The following TCF20 variants were observed in gnomAD, a reference collection of about 807,000 sequenced individuals.
The protein encoded by TCF20 is SPRE-binding protein.
TCF20 carries 3 observed loss-of-function variants against 148.6 expected under a neutral mutation model. The observed-to-expected ratio is 0.02, with a 90% CI of 0.01 to 0.05. TCF20 has a LOEUF of 0.05. TCF20 is among the 10% of genes least tolerant of loss of function. The pLI is 1.00. For synonymous variants in TCF20, 1,049 were observed against 909.5 expected, an observed-to-expected ratio of 1.15 and a Z score of -2.76; for missense variants, 2,350 against 2,429.3, an observed-to-expected ratio of 0.97 and a Z score of 0.69.
At chr22:42,342,600 A>T (rs1928186753) in intron 1 of TCF20, among the ~76,000 whole-genome samples, 1 of 152,204 alleles carries the variant, frequency 6.6e-6, no homozygotes, top group Non-Finnish European at 1.5e-5. Context: ...GGGGCCTGCC[A>T]AGGGCCGGGT....
intron 1 of TCF20, among the ~76,000 whole-genome samples, chr22:42,256,515 G>A (rs1047443491): frequency 2.0e-5 from 3 of 151,228 alleles, no homozygotes; most frequent in African/African-American, 7.3e-5. Context: ...AATTATGCAG[G>A]CTGTGATGTC....
chr22:42,221,496 T>C (rs1922352934), intron 1 of TCF20, among the ~76,000 whole-genome samples: 1 of 152,284 alleles, frequency 6.6e-6, no homozygotes, highest in African/African-American at 2.4e-5. Flanking sequence ...GAGTAGACTA[T>C]TGCCACTTGG....
intron 2 of TCF20, among the ~76,000 whole-genome samples, chr22:42,186,124 C>T (rs9607886): frequency 2.0e-5 from 3 of 152,204 alleles, no homozygotes; most frequent in African/African-American, 7.2e-5. Flanking sequence ...CACTCACTGG[C>T]TAAGGGCTAA....
intron 1 of TCF20, among the ~76,000 whole-genome samples, chr22:42,308,114 T>C (rs1927467779): frequency 6.6e-6 from 1 of 152,136 alleles, no homozygotes; most frequent in South Asian, 2.1e-4. Flanking sequence ...TTAATTCAAT[T>C]CCATAAACAT....
At chr22:42,337,256 C>G (rs567302174) in intron 1 of TCF20, among the ~76,000 whole-genome samples, 4 of 152,072 alleles carry the variant, frequency 2.6e-5, no homozygotes, top group Admixed American at 6.6e-5. Flanking sequence ...CCACTCCTCT[C>G]CCCCTTATCC....
intron 1 of TCF20, among the ~76,000 whole-genome samples, chr22:42,323,903 A>ATGGAGGTTATGGCGGT (rs1927790276): frequency 8.9e-4 from 15 of 16,872 alleles, no homozygotes; most frequent in Non-Finnish European, 1.3e-3. Flanking sequence ...ATGGTGGTGG[A>ATGGAGGTTATGGCGGT]GGTGGTGGTG....
rs1046874374 is a variant in TCF20, at chr22:42,178,391, T to C, written c.5749+1218A>G. Among the ~76,000 whole-genome samples the C allele has an allele frequency of 2.0e-5, 3 of 152,108 alleles. No individual in the cohort carries two copies. In the East Asian group the frequency reaches 5.8e-4, roughly 29 times the overall value. The stretch of plus-strand genomic sequence containing the variant: ...GTATATGAAGTGGGGAGCGGTCTTG[T>C]GGGACTGAGCCCTTAACCTGTAGGG... On this transcript the variant is annotated intron_variant, in intron 3 of 5. Transcript: ENST00000677622.
intron 2 of TCF20, among the ~76,000 whole-genome samples, chr22:42,209,361 C>T: frequency 6.6e-6 from 1 of 152,060 alleles, no homozygotes; most frequent in East Asian, 1.9e-4. Context: ...TGAAACAGAT[C>T]CAAAGAATAA....
At chr22:42,174,860 C>T (rs1055968133) in intron 3 of TCF20, among the ~76,000 whole-genome samples, 3 of 151,942 alleles carry the variant, frequency 2.0e-5, no homozygotes, top group Non-Finnish European at 4.4e-5. Flanking sequence ...ACGGTGAAAC[C>T]CCGTCTCTAC....
intron 3 of TCF20, among the ~76,000 whole-genome samples, chr22:42,178,362 AT>A (rs1936567638): frequency 6.6e-6 from 1 of 152,152 alleles, no homozygotes; most frequent in African/African-American, 2.4e-5. Context: ...AGGGCTTGAG[AT>A]TGGTATATGA....
intron 1 of TCF20, among the ~76,000 whole-genome samples, chr22:42,230,482 A>G (rs529653441): frequency 6.6e-6 from 1 of 152,202 alleles, no homozygotes; most frequent in African/African-American, 2.4e-5. Context: ...TTCTACTTAT[A>G]AAAATAGTTA....
chr22:42,332,792 G>T (rs1411997824), intron 1 of TCF20, among the ~76,000 whole-genome samples: 1 of 152,220 alleles, frequency 6.6e-6, no homozygotes, highest in Non-Finnish European at 1.5e-5. Context: ...TAAAGCAACT[G>T]CATGGGCAAA....
intron 1 of TCF20, among the ~76,000 whole-genome samples, chr22:42,330,766 C>A (rs1324894709): frequency 6.6e-6 from 1 of 152,216 alleles, no homozygotes; most frequent in East Asian, 1.9e-4. Flanking sequence ...AGGAAGTGTT[C>A]CCAGAGGAGG....
intron 1 of TCF20, among the ~76,000 whole-genome samples, chr22:42,264,198 C>T (rs559467105): frequency 2.0e-5 from 3 of 150,246 alleles, no homozygotes; most frequent in East Asian, 4.0e-4. Flanking sequence ...TCCCCACCCC[C>T]CTACCCAAAC....
intron 2 of TCF20, among the ~76,000 whole-genome samples, chr22:42,202,741 C>T (rs1229664730): frequency 1.3e-5 from 2 of 152,170 alleles, no homozygotes; most frequent in Non-Finnish European, 2.9e-5. Context: ...TGAAGCAAGC[C>T]GTATCTTTTG....
intron 1 of TCF20, among the ~76,000 whole-genome samples, chr22:42,301,750 C>T (rs1243553965): frequency 1.3e-5 from 2 of 152,210 alleles, no homozygotes; most frequent in Non-Finnish European, 2.9e-5. Context: ...TGAAGTCTGT[C>T]GTGGGGAACA....
At position 42,211,490 on chromosome 22, in the gene TCF20, A is replaced by C. The variant is rs1405624169; in HGVS notation, c.3816T>G (p.Asp1272Glu). 6.2e-7 allele frequency: 1 copy of C among 1,614,178 alleles called. No individual in the cohort carries two copies. The highest frequency in any genetic ancestry group is 1.7e-5 in the Admixed American group (1 of 60,018). Residue 1272 changes from aspartate (D) to glutamate (E), a missense_variant, in exon 2 of 6, where the codon GAT becomes GAG. This residue lies in a region of TCF20 where 1,641 missense variants were observed against 1,662.6 expected (regional missense o/e 0.99). Transcript: ENST00000677622. Reference protein sequence around the residue: ...SPIPSKRQSQDVKNSSTEDKG... With the variant: ...SPIPSKRQSQEVKNSSTEDKG... Reference sequence around the variant, plus strand: ...TATCTTCAGTGCTACTGTTCTTTACATCTTGTGACTGTCTCTTACTGGGAA... The same window carrying C: ...TATCTTCAGTGCTACTGTTCTTTACCTCTTGTGACTGTCTCTTACTGGGAA...
At chr22:42,245,616 G>A (rs1365656092) in intron 1 of TCF20, among the ~76,000 whole-genome samples, 1 of 152,110 alleles carries the variant, frequency 6.6e-6, no homozygotes, top group Non-Finnish European at 1.5e-5. Flanking sequence ...GACAATTCAT[G>A]TATTCACCCT....
At chr22:42,205,305 A>G (rs1938312488) in intron 2 of TCF20, among the ~76,000 whole-genome samples, 1 of 147,522 alleles carries the variant, frequency 6.8e-6, no homozygotes, top group Non-Finnish European at 1.5e-5. Flanking sequence ...AGGAAGGGAA[A>G]AAGGAAGGGA....
Sources: gnomAD v4.1 joint callset for allele counts (sites outside exome capture counted in the v4.1 genomes callset) on GRCh38, gnomAD v4.1.1 for gene constraint, gnomAD v4.1.1 regional missense constraint, MANE v1.5 for transcripts, NCBI Gene and HGNC (gene_info 2026-07-23, HGNC 2026-07-21) for gene names.